The following PCDH11X variants were observed in gnomAD, a reference collection of about 807,000 sequenced individuals.
PCDH11X encodes the protein protocadherin-11 X-linked.
PCDH11X carries 18 observed loss-of-function variants against 53.3 expected under a neutral mutation model. The observed-to-expected ratio is 0.34, with a 90% CI of 0.23 to 0.50. The LOEUF is 0.50. Ranked by LOEUF, PCDH11X falls within the 20% of genes least tolerant of loss-of-function variation. The pLI, the probability that PCDH11X is intolerant of heterozygous loss-of-function variation, is 0.98. For missense variants in PCDH11X, 570 were observed against 1,032.4 expected, an observed-to-expected ratio of 0.55 and a Z score of 6.14; for synonymous variants, 279 against 393.3, an observed-to-expected ratio of 0.71 and a Z score of 3.44.
At chrX:91,780,089 G>A (rs1214705773) in intron 1 of PCDH11X, among the ~76,000 whole-genome samples, 2 of 111,880 alleles carry the variant, frequency 1.8e-5, no homozygotes, top group Non-Finnish European at 3.8e-5. Flanking sequence ...AGCACGTCCC[G>A]GACTCCCAGA....
In PCDH11X at chrX:92,622,499, C is replaced by A. The variant is rs1343653443; in HGVS notation, c.*3559C>A. 9.1e-6 allele frequency: 1 copy of A among 110,453 alleles called. No homozygotes were observed. The allele number at this position is 110,453 out of a possible 1,213,427, so 9.1% of individuals were successfully genotyped here. On this transcript the variant is annotated 3_prime_UTR_variant, in exon 11 of 11. Coordinates refer to ENST00000682573, the MANE Select transcript of PCDH11X (RefSeq NM_032968.5). Reference sequence around the variant, plus strand: ...TGTTTAGGCTTTTATTTATACTCTTCTGATTTATATTTTTTATTATAATTA... The same window carrying A: ...TGTTTAGGCTTTTATTTATACTCTTATGATTTATATTTTTTATTATAATTA...
At chrX:92,394,024 C>T (rs1442134098) in intron 9 of PCDH11X, among the ~76,000 whole-genome samples, 1 of 110,574 alleles carries the variant, frequency 9.0e-6, no homozygotes, top group African/African-American at 3.3e-5. Flanking sequence ...CGATACCATC[C>T]TATCATATTC....
chrX:92,339,731 ACCTCC>A (rs1448405059), intron 8 of PCDH11X, among the ~76,000 whole-genome samples: 2 of 108,044 alleles, frequency 1.9e-5, no homozygotes, highest in Non-Finnish European at 3.8e-5. Flanking sequence ...TGATCCAGTC[ACCTCC>A]CACCAGGCCC....
intron 6 of PCDH11X, among the ~76,000 whole-genome samples, chrX:92,010,391 A>G (rs2062669484): frequency 9.1e-6 from 1 of 110,327 alleles, no homozygotes; most frequent in Non-Finnish European, 1.9e-5. Flanking sequence ...TGGGATGATC[A>G]TTAAAATATC....
At chrX:92,050,274 G>A (rs1346912422) in intron 6 of PCDH11X, among the ~76,000 whole-genome samples, 44 of 102,319 alleles carry the variant, frequency 4.3e-4, no homozygotes, top group Non-Finnish European at 6.2e-4. Flanking sequence ...CATACTTCAA[G>A]AAAAATATTT....
At chrX:92,140,096 T>G (rs950747678) in intron 6 of PCDH11X, among the ~76,000 whole-genome samples, 3 of 110,495 alleles carry the variant, frequency 2.7e-5, no homozygotes, top group Non-Finnish European at 3.8e-5. Flanking sequence ...TTTTCAAAAT[T>G]TCTAAGTATA....
chrX:91,839,308 G>A (rs1326414753), intron 5 of PCDH11X, among the ~76,000 whole-genome samples: 1 of 108,977 alleles, frequency 9.2e-6, no homozygotes, highest in Admixed American at 1.0e-4. Context: ...GATACAAAAC[G>A]AAAAGAGTGA....
At chrX:91,817,636 T>C (rs1040546283) in intron 4 of PCDH11X, among the ~76,000 whole-genome samples, 2 of 111,474 alleles carry the variant, frequency 1.8e-5, no homozygotes, top group Non-Finnish European at 3.8e-5. Context: ...ATGTGCTTAG[T>C]ACAACTAAGG....
At chrX:92,197,930 T>G (rs1339382263) in intron 6 of PCDH11X, among the ~76,000 whole-genome samples, 2 of 112,088 alleles carry the variant, frequency 1.8e-5, no homozygotes, top group Non-Finnish European at 3.8e-5. Context: ...AATGCACCAG[T>G]GCATCTCTGG....
chrX:92,015,290 T>G (rs1296402500), intron 6 of PCDH11X, among the ~76,000 whole-genome samples: 1 of 111,555 alleles, frequency 9.0e-6, no homozygotes, highest in Admixed American at 9.5e-5. Flanking sequence ...CAATGGGGTA[T>G]GGCTAATGGG....
In PCDH11X at chrX:92,621,034, G is replaced by T. The variant is rs953089337; in HGVS notation, c.*2094G>T. 1.1e-4 allele frequency: 12 copies of T among 105,658 alleles called. No homozygotes were observed. Among genetic ancestry groups the T allele is most frequent in the Middle Eastern group, 9.6e-3 (2 of 209 alleles). 8.7% of individuals were successfully genotyped at this position (105,658 alleles called of 1,213,427 possible). On this transcript the variant is annotated 3_prime_UTR_variant, in exon 11 of 11. Coordinates refer to ENST00000682573, the MANE Select transcript of PCDH11X (RefSeq NM_032968.5). ...TCCAGTAGATTTTAGAACATTCTTT[G>T]CCTCAAAAAACCTGCAAAGATGATG...
chrX:92,110,935 G>A (rs2064490319), intron 6 of PCDH11X, among the ~76,000 whole-genome samples: 1 of 108,564 alleles, frequency 9.2e-6, no homozygotes, highest in Non-Finnish European at 1.9e-5. Context: ...TTTTTTCTTA[G>A]AGGAACCAGG....
intron 6 of PCDH11X, among the ~76,000 whole-genome samples, chrX:92,194,668 T>TG (rs1389230134): frequency 1.0e-5 from 1 of 96,253 alleles, no homozygotes; most frequent in Non-Finnish European, 2.1e-5. Flanking sequence ...ATAAATATTA[T>TG]GTTTTTTTTT....
chrX:92,351,933 G>A (rs1186636468), intron 8 of PCDH11X, among the ~76,000 whole-genome samples: 3 of 111,856 alleles, frequency 2.7e-5, no homozygotes, highest in Admixed American at 1.9e-4. Flanking sequence ...CATGTGAAGT[G>A]TTTAAATGGA....
intron 6 of PCDH11X, among the ~76,000 whole-genome samples, chrX:92,066,030 T>C (rs111988635): frequency 9.2e-6 from 1 of 109,097 alleles, no homozygotes; most frequent in Non-Finnish European, 1.9e-5. Flanking sequence ...GATATTTTTG[T>C]AAGGTGAGAG....
intron 6 of PCDH11X, among the ~76,000 whole-genome samples, chrX:92,082,340 T>G (rs775421498): frequency 1.0e-3 from 108 of 108,214 alleles, no homozygotes; most frequent in African/African-American, 3.4e-3. Flanking sequence ...GGCTACCATA[T>G]TTCTTTGACA....
chrX:92,377,197 C>T (rs964019805), intron 8 of PCDH11X, among the ~76,000 whole-genome samples: 14 of 111,323 alleles, frequency 1.3e-4, no homozygotes, highest in African/African-American at 3.9e-4. Context: ...TTAAATAAAC[C>T]ATTGAATGCA....
At chrX:92,112,979 A>T (rs1399266184) in intron 6 of PCDH11X, among the ~76,000 whole-genome samples, 1 of 109,968 alleles carries the variant, frequency 9.1e-6, no homozygotes, top group Non-Finnish European at 1.9e-5. Flanking sequence ...ATTTTTGCTT[A>T]AAACTATTTG....
At chrX:92,032,602 G>A (rs2063068855) in intron 6 of PCDH11X, among the ~76,000 whole-genome samples, 1 of 110,958 alleles carries the variant, frequency 9.0e-6, no homozygotes, top group African/African-American at 3.3e-5. Context: ...CATTCAGTAT[G>A]ATACTCAATG....
Sources: allele counts gnomAD v4.1 joint callset (sites outside exome capture counted in the v4.1 genomes callset), GRCh38; gene constraint gnomAD v4.1.1; transcripts MANE v1.5; gene names NCBI Gene and HGNC (gene_info 2026-07-23, HGNC 2026-07-21).